KLF7: variants seen among roughly 807,000 people sequenced by gnomAD.
KLF7 encodes Krueppel-like factor 7.
KLF7 carries 2 observed loss-of-function variants against 27.3 expected under a neutral mutation model. That is an observed-to-expected ratio of 0.07 (90% CI 0.03 to 0.23). The LOEUF (loss-of-function observed/expected upper bound fraction) is 0.23, where lower values mean the gene tolerates loss of function less well. Ranked by LOEUF, KLF7 falls within the 10% of genes least tolerant of loss-of-function variation. The pLI is 1.00. For missense variants in KLF7, 221 were observed against 394.1 expected, an observed-to-expected ratio of 0.56 and a Z score of 3.72; for synonymous variants, 165 against 162.4, an observed-to-expected ratio of 1.02 and a Z score of -0.12.
At chr2:207,159,472 A>C (rs2078480680) in intron 1 of KLF7, among the ~76,000 whole-genome samples, 1 of 152,202 alleles carries the variant, frequency 6.6e-6, no homozygotes, top group South Asian at 2.1e-4. Flanking sequence ...TATTCTGTTT[A>C]ACTTAATTTT....
At chr2:207,110,461 T>C (rs2077004132) in intron 2 of KLF7, among the ~76,000 whole-genome samples, 1 of 152,344 alleles carries the variant, frequency 6.6e-6, no homozygotes, top group South Asian at 2.1e-4. Context: ...AGAATGACAA[T>C]ACCATATGAT....
At chr2:207,149,975 A>G (rs974677903) in intron 1 of KLF7, among the ~76,000 whole-genome samples, 3 of 152,168 alleles carry the variant, frequency 2.0e-5, no homozygotes, top group Admixed American at 6.5e-5. Flanking sequence ...AACATGTGAC[A>G]GTGTATTGTT....
intron 1 of KLF7, among the ~76,000 whole-genome samples, chr2:207,159,188 C>G (rs1330876080): frequency 6.6e-6 from 1 of 152,194 alleles, no homozygotes; most frequent in Non-Finnish European, 1.5e-5. Context: ...ATTTTAATTA[C>G]CTCTAATCAT....
chr2:207,161,120 A>C (rs1170187998), intron 1 of KLF7, among the ~76,000 whole-genome samples: 1 of 152,242 alleles, frequency 6.6e-6, no homozygotes, highest in African/African-American at 2.4e-5. Flanking sequence ...CTAAATCTAC[A>C]CAAAGATGTG....
At chr2:207,110,675 G>A (rs1243591555) in intron 2 of KLF7, among the ~76,000 whole-genome samples, 2 of 152,244 alleles carry the variant, frequency 1.3e-5, no homozygotes, top group South Asian at 2.1e-4. Context: ...AGAAGGTTAA[G>A]CATTTAGTGG....
chr2:207,085,164 G>GAAAAAAAAAA (rs1015691241), intron 3 of KLF7, among the ~76,000 whole-genome samples: 3 of 22,994 alleles, frequency 1.3e-4, no homozygotes, highest in Non-Finnish European at 2.3e-4. Context: ...TGTCTCAAAT[G>GAAAAAAAAAA]AAAAAAAAAA....
At chr2:207,152,383 T>G (rs999269190) in intron 1 of KLF7, among the ~76,000 whole-genome samples, 5 of 152,114 alleles carry the variant, frequency 3.3e-5, no homozygotes, top group African/African-American at 9.7e-5. Flanking sequence ...GCAGGCTTTT[T>G]TGTTAATGAG....
At chr2:207,091,763 T>A (rs1370147860) in intron 2 of KLF7, among the ~76,000 whole-genome samples, 1 of 152,126 alleles carries the variant, frequency 6.6e-6, no homozygotes. Context: ...TATAAACCAA[T>A]TCCTACTGGA....
chr2:207,088,667 C>T (rs2076444022), intron 2 of KLF7, 86 bp from the exon 3 acceptor site: 2 of 1,463,906 alleles, frequency 1.4e-6, no homozygotes, highest in South Asian at 2.7e-5. Context: ...GCTGGTCAGG[C>T]TTGGGAAAGG....
At chr2:207,157,303 A>T (rs1284350319) in intron 1 of KLF7, among the ~76,000 whole-genome samples, 1 of 152,018 alleles carries the variant, frequency 6.6e-6, no homozygotes, top group Admixed American at 6.6e-5. Flanking sequence ...GCTCTGCACA[A>T]GAGTATGGAA....
In KLF7 at chr2:207,080,238, A is replaced by C. The variant is rs971460059; in HGVS notation, c.*975T>G. 2.0e-5 allele frequency: 3 copies of C among 152,188 alleles called. No individual in the cohort carries two copies. The highest frequency in any genetic ancestry group is 7.2e-5 in the African/African-American group (3 of 41,436). The allele number at this position is 152,188 out of a possible 1,614,324, so 9.4% of individuals were successfully genotyped here. A position where few individuals can be genotyped will look rare whatever the true frequency, so the allele number is the denominator to read the frequency against. ...AGTCCTGGAGAGGTTTAGTCCATGG[A>C]GAAAAGATAAAACATTTAAGCTTCC... On this transcript the variant is annotated 3_prime_UTR_variant, in exon 4 of 4. Transcript: ENST00000309446.
chr2:207,127,812 C>T (rs2077522314), intron 1 of KLF7, among the ~76,000 whole-genome samples: 1 of 151,974 alleles, frequency 6.6e-6, no homozygotes, highest in African/African-American at 2.4e-5. Context: ...CACTGCACTC[C>T]AGCCTGGGTG....
chr2:207,167,337 C>G, upstream of KLF7: 1 of 374,986 alleles, frequency 2.7e-6, no homozygotes. Flanking sequence ...CCCCAAAATG[C>G]GCTGTGAGCT....
At chr2:207,090,135 G>A (rs2076478243) in intron 2 of KLF7, among the ~76,000 whole-genome samples, 1 of 152,150 alleles carries the variant, frequency 6.6e-6, no homozygotes, top group South Asian at 2.1e-4. Context: ...GACCCACAGA[G>A]AAGGGGAACG....
intron 1 of KLF7, among the ~76,000 whole-genome samples, chr2:207,143,673 G>A (rs898537082): frequency 1.2e-4 from 18 of 152,178 alleles, no homozygotes; most frequent in African/African-American, 4.3e-4. Flanking sequence ...CAGGCAAATG[G>A]ATTTGGCTAT....
At chr2:207,149,130 T>A (rs909374193) in intron 1 of KLF7, 3 of 1,286,812 alleles carry the variant, frequency 2.3e-6, no homozygotes, top group Non-Finnish European at 3.0e-6. Flanking sequence ...TCCCACCCAG[T>A]CATGTTGATT....
chr2:207,110,223 T>A (rs1281675092), intron 2 of KLF7: 1 of 153,610 alleles, frequency 6.5e-6, no homozygotes. Context: ...CCCTAAGAAC[T>A]CAGAAAGCTT....
chr2:207,112,810 T>C lies in KLF7; in HGVS notation c.733+10964A>G, dbSNP rs116588326. 4.3e-3 allele frequency among the ~76,000 whole-genome samples: 648 copies of C among 152,392 alleles called. 4 individuals are homozygous for C. Among genetic ancestry groups the C allele is most frequent in the African/African-American group, 0.015 (616 of 41,600 alleles). ...ACAATATATAAAGTAATTACCTTTTTACCTGTTTTTTAAATCACAAAATTG... is the reference window on the plus strand; with the variant it reads ...ACAATATATAAAGTAATTACCTTTTCACCTGTTTTTTAAATCACAAAATTG... On this transcript the variant is annotated intron_variant, in intron 2 of 3. Transcript: ENST00000309446.
intron 2 of KLF7, among the ~76,000 whole-genome samples, chr2:207,110,888 G>A (rs1277511657): frequency 6.6e-6 from 1 of 152,204 alleles, no homozygotes; most frequent in African/African-American, 2.4e-5. Flanking sequence ...CTACAGAGAA[G>A]AAGACAGCTA....
Sources: allele counts gnomAD v4.1 joint callset (sites outside exome capture counted in the v4.1 genomes callset), GRCh38; gene constraint gnomAD v4.1.1; transcripts MANE v1.5; gene names NCBI Gene and HGNC (gene_info 2026-07-23, HGNC 2026-07-21).